TSPEAR: variants seen among roughly 807,000 people sequenced by gnomAD.
TSPEAR encodes thrombospondin-type laminin G domain and EAR repeat-containing protein.
In TSPEAR, 69 loss-of-function variants were observed where a neutral mutation model predicts 71.6. The ratio of observed to expected loss-of-function variants is 0.96; its 90% CI spans 0.79 to 1.18. TSPEAR has a LOEUF of 1.18. TSPEAR is among the 50% of genes most tolerant of loss of function. TSPEAR has a pLI of 0.00. For missense variants in TSPEAR, 971 were observed against 894.9 expected (o/e 1.09, Z -1.09); for synonymous variants, 402 against 387.2 (o/e 1.04, Z -0.45).
intron 1 of TSPEAR, chr21:44,647,106 C>T (rs587676741): frequency 6.2e-7 from 1 of 1,613,796 alleles, no homozygotes; most frequent in African/African-American, 1.3e-5. Flanking sequence ...CTTCACGCTG[C>T]CAGCAGCCTA....
intron 1 of TSPEAR, among the ~76,000 whole-genome samples, chr21:44,652,326 A>G (rs1245110933): frequency 1.3e-5 from 2 of 152,156 alleles, no homozygotes; most frequent in African/African-American, 2.4e-5. Context: ...TGAAAATCAC[A>G]GTGACCCAGA....
In TSPEAR at chr21:44,520,559, T is replaced by C. The variant is rs2052714588; in HGVS notation, c.1566+1324A>G. ...CTCTGCACGCATTAAGGCGTGTGAT[T>C]GGTCCCTGTGAGCCGCGGCTCCTGG... is the stretch of plus-strand genomic sequence containing the variant. On this transcript the variant is annotated intron_variant, in intron 9 of 11. Coordinates refer to ENST00000323084, the MANE Select transcript of TSPEAR (RefSeq NM_144991.3). The surrounding 1 kb of genome is among the most constrained non-coding windows in gnomAD (Gnocchi z 4.2). 1 of 152,324 alleles carries C rather than the reference T, an allele frequency of 6.6e-6. No homozygotes were observed. Among genetic ancestry groups the C allele is most frequent in the African/African-American group, 2.4e-5 (1 of 41,572 alleles). 9.4% of individuals were successfully genotyped at this position (152,324 alleles called of 1,614,324 possible).
At chr21:44,510,157 A>G (rs1006804771) in intron 9 of TSPEAR, among the ~76,000 whole-genome samples, 2 of 152,168 alleles carry the variant, frequency 1.3e-5, no homozygotes, top group Admixed American at 1.3e-4. Context: ...TGGGGTCCAC[A>G]AGGCGGAAGC....
At chr21:44,504,147 T>G (rs1331147645) in intron 11 of TSPEAR, among the ~76,000 whole-genome samples, 19 of 80,326 alleles carry the variant, frequency 2.4e-4, no homozygotes, top group South Asian at 4.7e-4. Context: ...GAGCCCACAG[T>G]GGGGAAGCAA....
At position 44,533,822 on chromosome 21, in the gene TSPEAR, C is replaced by T. The variant is rs1266329912; in HGVS notation, c.405G>A (p.Glu135=). The T allele has an allele frequency of 7.4e-6, 12 of 1,612,570 alleles. No homozygotes were observed. Among genetic ancestry groups the T allele is most frequent in the East Asian group, 2.2e-5 (1 of 44,822 alleles). The change falls in exon 3 of 12, where the codon GAG becomes GAA. Residue 135 remains glutamate, a synonymous_variant. Transcript: ENST00000323084. ...GGGTCTGCCAGGCGCCGGCCGTGTC[C>T]TCGCGAAGGAACAGGAAGTGCAGCT... ...PAQLHFLFLR[E]DTAGAWQTRV...
At chr21:44,533,624 G>T in intron 3 of TSPEAR, 61 bp downstream of exon 3, 2 of 1,407,830 alleles carry the variant, frequency 1.4e-6, no homozygotes, top group South Asian at 2.5e-5. Flanking sequence ...ACGGCTGAAG[G>T]ATGCCTGGCC....
Position 44,539,707 on chromosome 21 carries a change from C to T in TSPEAR, c.304-5784G>A, listed in dbSNP as rs782091566. ...AGCAGGTGGGCACATAGCACACAGG[C>T]TTGCAGCAAACAGGCACACAGCAGG... On this transcript the variant is annotated intron_variant, in intron 2 of 11. Coordinates refer to ENST00000323084, the MANE Select transcript of TSPEAR (RefSeq NM_144991.3). The T allele has an allele frequency of 6.3e-6, 10 of 1,595,050 alleles. No homozygotes were observed. In the South Asian group the frequency reaches 1.1e-4, roughly 18 times the overall value.
chr21:44,600,109 G>T (rs587767858), intron 1 of TSPEAR, among the ~76,000 whole-genome samples: 1 of 152,156 alleles, frequency 6.6e-6, no homozygotes, highest in Non-Finnish European at 1.5e-5. Flanking sequence ...GCACCAGAGA[G>T]AGTGTGGGGA....
intron 1 of TSPEAR, chr21:44,658,314 G>A (rs587775545): frequency 3.0e-5 from 47 of 1,575,480 alleles, no homozygotes; most frequent in African/African-American, 1.3e-4. Flanking sequence ...GTATCCCTCC[G>A]TGAATAAGCA....
intron 1 of TSPEAR, among the ~76,000 whole-genome samples, chr21:44,606,665 T>A (rs1012644239): frequency 1.3e-5 from 2 of 152,204 alleles, no homozygotes; most frequent in Admixed American, 6.5e-5. Context: ...GTGGCATATA[T>A]ACACAATGGA....
intron 1 of TSPEAR, among the ~76,000 whole-genome samples, chr21:44,625,538 G>A (rs954117132): frequency 1.3e-5 from 2 of 152,214 alleles, no homozygotes; most frequent in Non-Finnish European, 1.5e-5. Flanking sequence ...CAAATCCATA[G>A]CCCAAAATGG....
chr21:44,650,420 C>CGGCGGCAGAGACTGGGGCCACGTGACGAT (rs56134830), intron 1 of TSPEAR, among the ~76,000 whole-genome samples: 112,202 of 149,394 alleles, frequency 0.75, 42,086 homozygotes, highest in African/African-American at 0.83. Context: ...CATGTGACGA[C>CGGCGGCAGAGACTGGGGCCACGTGACGAT]GGCGGCAGAG....
chr21:44,570,374 T>C (rs782590768), intron 1 of TSPEAR, among the ~76,000 whole-genome samples: 6 of 152,226 alleles, frequency 3.9e-5, no homozygotes, highest in Non-Finnish European at 7.3e-5. Context: ...GATGAGTCCC[T>C]GACACAGCCT....
intron 1 of TSPEAR, among the ~76,000 whole-genome samples, chr21:44,660,841 C>A (rs142998076): frequency 0.012 from 1,877 of 152,188 alleles, 42 homozygotes; most frequent in African/African-American, 0.042. Flanking sequence ...GTGGTGGGCC[C>A]CTGTAATCCC....
chr21:44,548,948 GAAA>G (rs1279297176), intron 2 of TSPEAR, among the ~76,000 whole-genome samples: 2 of 152,236 alleles, frequency 1.3e-5, no homozygotes, highest in Non-Finnish European at 2.9e-5. Context: ...GAGTCGTAAG[GAAA>G]ACGAGCGCTT....
chr21:44,581,202 C>T (rs1555925093), intron 1 of TSPEAR, among the ~76,000 whole-genome samples: 1 of 152,054 alleles, frequency 6.6e-6, no homozygotes, highest in African/African-American at 2.4e-5. Context: ...CCCTCAGAGC[C>T]CTCTCTCTGT....
intron 1 of TSPEAR, chr21:44,654,497 G>T: frequency 6.2e-7 from 1 of 1,613,760 alleles, no homozygotes; most frequent in Non-Finnish European, 8.5e-7. Context: ...GCCACACAGG[G>T]GGCTGAGCAG....
In TSPEAR at chr21:44,550,743, C is replaced by T. The variant is rs1459585908; in HGVS notation, c.304-16820G>A. ...AAAGCTGCAGGAGGCTGGGCGGGAG[C>T]ACACGGGGCGGCAGAGGAGGGACAC... On this transcript the variant is annotated intron_variant, in intron 2 of 11. Coordinates refer to ENST00000323084, the MANE Select transcript of TSPEAR (RefSeq NM_144991.3). The T allele has an allele frequency of 3.1e-6, 5 of 1,614,160 alleles. No homozygotes were observed. In the African/African-American group the frequency reaches 5.3e-5, roughly 17 times the overall value.
chr21:44,518,645 T>C, intron 9 of TSPEAR: 2 of 470,872 alleles, frequency 4.2e-6, no homozygotes, highest in Non-Finnish European at 4.4e-6. Context: ...GACTCTGCTC[T>C]CAAGACCCCC....
Sources: gnomAD v4.1 joint callset for allele counts (sites outside exome capture counted in the v4.1 genomes callset) on GRCh38, gnomAD v4.1.1 for gene constraint, Gnocchi (gnomAD v3.1) non-coding constraint, MANE v1.5 for transcripts, NCBI Gene and HGNC (gene_info 2026-07-23, HGNC 2026-07-21) for gene names.